TPO: variants seen among roughly 807,000 people sequenced by gnomAD.
The protein encoded by TPO is thyroid peroxidase, also known as thyroid microsomal antigen.
Under a neutral mutation model 96.9 loss-of-function variants are expected in TPO, and 78 were observed. The ratio of observed to expected loss-of-function variants is 0.81; its 90% CI spans 0.67 to 0.97. The LOEUF (loss-of-function observed/expected upper bound fraction) is 0.97. Ranked by LOEUF, TPO falls within the 50% of genes least tolerant of loss-of-function variation. The pLI is 0.00. For missense variants in TPO, 1,252 were observed against 1,274.8 expected (o/e 0.98, Z 0.27); for synonymous variants, 547 against 538.0 (o/e 1.02, Z -0.23).
chr2:1,470,302 T>C (rs779560715), intron 7 of TPO, among the ~76,000 whole-genome samples: 60 of 152,062 alleles, frequency 3.9e-4, no homozygotes, highest in Non-Finnish European at 7.5e-4. Context: ...CCAAATAACT[T>C]TGGACGTGAG....
At chr2:1,389,242 G>A (rs1026860835) in intron 1 of TPO, among the ~76,000 whole-genome samples, 88 of 152,272 alleles carry the variant, frequency 5.8e-4, no homozygotes, top group African/African-American at 2.0e-3. Context: ...AGAGCAGAGG[G>A]TGTCTGAGGA....
At chr2:1,494,743 A>G (rs1376400262) in intron 11 of TPO, among the ~76,000 whole-genome samples, 2 of 152,214 alleles carry the variant, frequency 1.3e-5, no homozygotes, top group Non-Finnish European at 2.9e-5. Flanking sequence ...GCTTTTAAAT[A>G]CATCCCTACC....
chr2:1,504,912 C>T (rs945478665), intron 14 of TPO, among the ~76,000 whole-genome samples: 3 of 152,072 alleles, frequency 2.0e-5, no homozygotes, highest in South Asian at 2.1e-4. Flanking sequence ...GAGAGGTCTC[C>T]AGAAAGAACC....
intron 15 of TPO, among the ~76,000 whole-genome samples, chr2:1,525,876 ACTCCTCAAATCCCAATACTGTGTGCAAC>A (rs1676339280): frequency 1.6e-5 from 1 of 62,032 alleles, no homozygotes; most frequent in Non-Finnish European, 3.5e-5. Context: ...ATGTGTGCAA[ACTCCTCAAATCCCAATACTGTGTGCAAC>A]CTCCTCAAAT....
At chr2:1,472,948 T>C (rs1288910678) in intron 7 of TPO, among the ~76,000 whole-genome samples, 1 of 152,074 alleles carries the variant, frequency 6.6e-6, no homozygotes, top group Non-Finnish European at 1.5e-5. Flanking sequence ...TGGCAATTTG[T>C]ATTTGTTCAA....
chr2:1,527,006 TCCCCCCCACTGTGTGCAACCTCCTCAA>T (rs1676699669), intron 15 of TPO, among the ~76,000 whole-genome samples: 1 of 78,818 alleles, frequency 1.3e-5, no homozygotes, highest in African/African-American at 5.9e-5. Context: ...CCTCCTCAAA[TCCCCCCCACTGTGTGCAACCTCCTCAA>T]ATCCCCCCAC....
chr2:1,427,180 G>A (rs533133417), intron 3 of TPO, among the ~76,000 whole-genome samples: 128 of 152,366 alleles, frequency 8.4e-4, no homozygotes, highest in African/African-American at 3.0e-3. Flanking sequence ...GCTGCACACA[G>A]AAGGGGCCAC....
At chr2:1,434,666 C>G (rs1665376606) in intron 4 of TPO, among the ~76,000 whole-genome samples, 1 of 152,274 alleles carries the variant, frequency 6.6e-6, no homozygotes, top group Non-Finnish European at 1.5e-5. Context: ...ACTGCCGGGT[C>G]TGTAGACATC....
At chr2:1,448,818 G>C (rs17091706) in intron 5 of TPO, among the ~76,000 whole-genome samples, 2,747 of 152,290 alleles carry the variant, frequency 0.018, 88 homozygotes, top group East Asian at 0.13. Context: ...TGGCCCTCGA[G>C]GTAGCTCACA....
At chr2:1,403,270 G>A (rs1397498750) in intron 1 of TPO, among the ~76,000 whole-genome samples, 1 of 152,182 alleles carries the variant, frequency 6.6e-6, no homozygotes, top group Non-Finnish European at 1.5e-5. Flanking sequence ...GCCAGCGGGG[G>A]CTCTGCTGGA....
At chr2:1,386,156 G>T (rs1661890670) in intron 1 of TPO, among the ~76,000 whole-genome samples, 1 of 152,172 alleles carries the variant, frequency 6.6e-6, no homozygotes, top group Admixed American at 6.5e-5. Flanking sequence ...TTTGGAATAG[G>T]TGCGGGTGTG....
chr2:1,415,669 G>A (rs1193459833), intron 2 of TPO, among the ~76,000 whole-genome samples: 1 of 152,038 alleles, frequency 6.6e-6, no homozygotes, highest in Admixed American at 6.5e-5. Flanking sequence ...CACCTTGCCG[G>A]GCAGGTCCCT....
intron 14 of TPO, among the ~76,000 whole-genome samples, chr2:1,513,946 G>C (rs1332632943): frequency 2.0e-5 from 3 of 152,204 alleles, no homozygotes; most frequent in Non-Finnish European, 4.4e-5. Flanking sequence ...TTTTGGTATA[G>C]ATGTAAATAT....
chr2:1,497,880 T>G (rs1026229189), intron 13 of TPO, among the ~76,000 whole-genome samples: 2 of 151,174 alleles, frequency 1.3e-5, no homozygotes, highest in Admixed American at 6.6e-5. Context: ...CTCAGAGTTT[T>G]CAGAAGATGA....
intron 1 of TPO, among the ~76,000 whole-genome samples, chr2:1,382,681 G>T (rs1490552131): frequency 6.6e-6 from 1 of 151,978 alleles, no homozygotes; most frequent in Non-Finnish European, 1.5e-5. Flanking sequence ...GGAAGACCTG[G>T]ACTACATAGA....
rs749067318 is a variant in TPO, at chr2:1,496,634, A to G, written c.2255A>G (p.Asp752Gly). The G allele has an allele frequency of 6.2e-7, 1 of 1,613,758 alleles. No homozygotes were observed. The highest frequency in any genetic ancestry group is 2.2e-5 in the East Asian group (1 of 44,826). The change falls in exon 13 of 17, where the codon GAC (aspartate) becomes GGC (glycine). Residue 752 changes from aspartate to glycine, a missense_variant. Coordinates refer to ENST00000329066, the MANE Select transcript of TPO (RefSeq NM_001206744.2). The stretch of plus-strand genomic sequence containing the variant: ...TTCCCAGAGAGCGTGGAGAATGGGG[A>G]CTTTGTGCACTGTGAGGAGTCTGGG... ...CGFPESVENGDFVHCEESGRR... is the reference protein window; with the variant it reads ...CGFPESVENGGFVHCEESGRR...
intron 2 of TPO, among the ~76,000 whole-genome samples, chr2:1,416,007 C>T (rs144564237): frequency 1.3e-5 from 2 of 152,312 alleles, no homozygotes; most frequent in East Asian, 1.9e-4. Context: ...GGGCCTCTCC[C>T]TGCCAGCTTC....
chr2:1,475,177 G>A (rs1669776069), intron 7 of TPO, among the ~76,000 whole-genome samples: 1 of 152,062 alleles, frequency 6.6e-6, no homozygotes, highest in Admixed American at 6.5e-5. Context: ...TTATTTATTT[G>A]TAATTTTATT....
chr2:1,453,926 G>C (rs1026994727), intron 6 of TPO, 103 bp downstream of exon 6: 44 of 1,534,312 alleles, frequency 2.9e-5, no homozygotes, highest in Non-Finnish European at 3.8e-5. Flanking sequence ...TGGGTGCTGC[G>C]TGCAATCCCT....
Sources: gnomAD v4.1 joint callset for allele counts (sites outside exome capture counted in the v4.1 genomes callset) on GRCh38, gnomAD v4.1.1 for gene constraint, MANE v1.5 for transcripts, NCBI Gene and HGNC (gene_info 2026-07-23, HGNC 2026-07-21) for gene names.